Variants in ZNF264 observed in about 807,000 individuals in gnomAD.
The protein encoded by ZNF264 is zinc finger protein 264.
A neutral mutation model predicts 11.2 loss-of-function variants in ZNF264; 11 were observed. The observed-to-expected ratio is 0.98, with a 90% CI of 0.62 to 1.63. The LOEUF (loss-of-function observed/expected upper bound fraction) is 1.63, where lower values mean the gene tolerates loss of function less well. Ranked by LOEUF, ZNF264 falls within the 40% of genes most tolerant of loss-of-function variation. The pLI is 0.00. For synonymous variants in ZNF264, 309 were observed against 279.8 expected, an observed-to-expected ratio of 1.10 and a Z score of -1.04; for missense variants, 752 against 768.1, an observed-to-expected ratio of 0.98 and a Z score of 0.25.
chr19:57,206,426 A>G (rs912431083), intron 3 of ZNF264, among the ~76,000 whole-genome samples: 4 of 146,532 alleles, frequency 2.7e-5, no homozygotes, highest in Admixed American at 6.7e-5. Flanking sequence ...TTTTTTTTGT[A>G]TTTTTAGTAG....
chr19:57,204,819 C>T (rs111258226), intron 2 of ZNF264, among the ~76,000 whole-genome samples: 5 of 152,078 alleles, frequency 3.3e-5, no homozygotes, highest in East Asian at 1.9e-4. Context: ...TACCTGGACC[C>T]GGGACTTTCT....
intron 1 of ZNF264, 151 bp downstream of exon 1, chr19:57,192,097 T>C (rs780361222): frequency 2.8e-5 from 22 of 787,038 alleles, no homozygotes; most frequent in Non-Finnish European, 3.8e-5. Context: ...AATTTATACC[T>C]GGCCGTAAGG....
At chr19:57,196,624 CAG>C (rs373799974) in intron 2 of ZNF264, among the ~76,000 whole-genome samples, 41 of 152,034 alleles carry the variant, frequency 2.7e-4, no homozygotes, top group East Asian at 1.2e-3. Context: ...TGCACGATGA[CAG>C]GGGTGGCTGG....
intron 3 of ZNF264, among the ~76,000 whole-genome samples, chr19:57,205,871 A>G (rs2087288293): frequency 2.0e-5 from 3 of 152,204 alleles, no homozygotes; most frequent in Admixed American, 2.0e-4. Flanking sequence ...CTGCTGTATC[A>G]GACAGATTCT....
intron 1 of ZNF264, 41 bp downstream of exon 1, chr19:57,191,987 G>A (rs371394259): frequency 1.3e-6 from 2 of 1,498,700 alleles, no homozygotes; most frequent in Non-Finnish European, 1.8e-6. Context: ...TTCCTTGCCA[G>A]CGCTGAGGCG....
chr19:57,192,673 C>T (rs1302663663), intron 1 of ZNF264: 2 of 552,256 alleles, frequency 3.6e-6, no homozygotes, highest in Non-Finnish European at 4.6e-6. Context: ...AGATGCAGCC[C>T]TTCCAGTGCC....
chr19:57,193,037 T>TA (rs991541818), intron 1 of ZNF264, among the ~76,000 whole-genome samples: 2 of 151,956 alleles, frequency 1.3e-5, no homozygotes, highest in African/African-American at 4.8e-5. Context: ...GGCCCACAGA[T>TA]ACGTTTTTCA....
chr19:57,207,922 C>T (rs2087305869), intron 3 of ZNF264, among the ~76,000 whole-genome samples: 1 of 152,060 alleles, frequency 6.6e-6, no homozygotes, highest in African/African-American at 2.4e-5. Context: ...AATGGGGTTT[C>T]ACCATGTTGG....
intron 2 of ZNF264, among the ~76,000 whole-genome samples, chr19:57,201,273 G>A (rs2087251524): frequency 6.6e-6 from 1 of 151,878 alleles, no homozygotes; most frequent in South Asian, 2.1e-4. Flanking sequence ...TTGGCATCCA[G>A]AAGTAGTGGA....
At chr19:57,205,765 G>A (rs1400601628) in intron 3 of ZNF264, among the ~76,000 whole-genome samples, 1 of 152,348 alleles carries the variant, frequency 6.6e-6, no homozygotes, top group East Asian at 1.9e-4. Context: ...AACTGTGTGG[G>A]CCTGAAATGT....
At chr19:57,202,236 G>A (rs1403749086) in intron 2 of ZNF264, among the ~76,000 whole-genome samples, 1 of 151,778 alleles carries the variant, frequency 6.6e-6, no homozygotes, top group East Asian at 1.9e-4. Flanking sequence ...GTACCCATGG[G>A]ATTTTAATTT....
chr19:57,211,060 T>C (rs1056324391), intron 3 of ZNF264, among the ~76,000 whole-genome samples: 2 of 152,158 alleles, frequency 1.3e-5, no homozygotes, highest in Non-Finnish European at 2.9e-5. Context: ...AAGCTTACCA[T>C]GCACGGTGTC....
At chr19:57,207,474 C>T (rs556060845) in intron 3 of ZNF264, among the ~76,000 whole-genome samples, 117 of 151,490 alleles carry the variant, frequency 7.7e-4, no homozygotes, top group Non-Finnish European at 1.2e-3. Flanking sequence ...ATCCTTTCTT[C>T]ATTTATATTC....
Position 57,219,597 on chromosome 19 carries a change from C to T in ZNF264, c.*6616C>T, listed in dbSNP as rs927963718. On this transcript the variant is annotated 3_prime_UTR_variant, in exon 4 of 4. Coordinates refer to ENST00000263095, the MANE Select transcript of ZNF264 (RefSeq NM_003417.5). ...TGCTGACCACCACTCTGAACCAAAA[C>T]TTCTTTCTTGGTTCTTGAAAGTTGC... The T allele has an allele frequency of 2.6e-5, 4 of 152,382 alleles. No homozygotes were observed. In the South Asian group the frequency reaches 6.2e-4, roughly 24 times the overall value. The allele number at this position is 152,382 out of a possible 1,614,324, so 9.4% of individuals were successfully genotyped here. A position where few individuals can be genotyped will look rare whatever the true frequency, so the allele number is the denominator to read the frequency against.
chr19:57,195,816 A>G (rs972266869), intron 2 of ZNF264, among the ~76,000 whole-genome samples: 2 of 151,822 alleles, frequency 1.3e-5, no homozygotes, highest in African/African-American at 4.9e-5. Context: ...TTCCAGTTTA[A>G]TGGAATCGTT....
At chr19:57,201,065 GTATA>G (rs953552556) in intron 2 of ZNF264, among the ~76,000 whole-genome samples, 3 of 151,682 alleles carry the variant, frequency 2.0e-5, no homozygotes, top group Non-Finnish European at 4.4e-5. Context: ...TATTGTATGT[GTATA>G]TATATACAAC....
intron 3 of ZNF264, among the ~76,000 whole-genome samples, chr19:57,208,164 T>C (rs1013501393): frequency 5.9e-5 from 9 of 152,252 alleles, no homozygotes; most frequent in Non-Finnish European, 8.8e-5. Context: ...CTCGAGTTTC[T>C]TACAATTGAA....
At chr19:57,210,808 C>A (rs765265096) in intron 3 of ZNF264, among the ~76,000 whole-genome samples, 1 of 152,174 alleles carries the variant, frequency 6.6e-6, no homozygotes, top group East Asian at 1.9e-4. Context: ...TGGAGGACTC[C>A]ATAGTGAGTT....
In ZNF264 at chr19:57,220,588, ATG is replaced by A. The variant is rs2087410229; in HGVS notation, c.*7615_*7616del. 6.6e-6 allele frequency: 1 copy of A among 151,744 alleles called. No homozygotes were observed. Among genetic ancestry groups the A allele is most frequent in the Non-Finnish European group, 1.5e-5 (1 of 67,946 alleles). 9.4% of individuals were successfully genotyped at this position (151,744 alleles called of 1,614,324 possible). On this transcript the variant is annotated 3_prime_UTR_variant, in exon 4 of 4. Transcript: ENST00000263095. ...TTTTTTTTTAGTAGACCCTCCATATATGTGTGTGTTTTGGTGAATGGCCACAC... is the reference window on the plus strand; with the variant it reads ...TTTTTTTTTAGTAGACCCTCCATATATGTGTGTTTTGGTGAATGGCCACAC...
Sources: gnomAD v4.1 joint callset for allele counts (sites outside exome capture counted in the v4.1 genomes callset) on GRCh38, gnomAD v4.1.1 for gene constraint, MANE v1.5 for transcripts, NCBI Gene and HGNC (gene_info 2026-07-23, HGNC 2026-07-21) for gene names.